Variants in FAM149B1 observed in about 807,000 individuals in gnomAD.
The protein encoded by FAM149B1 is family with sequence similarity 149 member B1.
In FAM149B1, 56 loss-of-function variants were observed where a neutral mutation model predicts 75.3. The observed-to-expected ratio is 0.74, with a 90% CI of 0.60 to 0.93. FAM149B1 has a LOEUF of 0.93. FAM149B1 is among the 40% of genes least tolerant of loss of function. The probability of loss-of-function intolerance (pLI) is 0.00; values close to 1 mark genes in which losing one functional copy is unlikely to be tolerated. For synonymous variants in FAM149B1, 259 were observed against 256.1 expected (o/e 1.01, Z -0.11); for missense variants, 639 against 708.4 (o/e 0.90, Z 1.11).
intron 3 of FAM149B1, among the ~76,000 whole-genome samples, chr10:73,186,898 C>T (rs1222070200): frequency 2.6e-5 from 4 of 152,026 alleles, no homozygotes; most frequent in African/African-American, 9.7e-5. Flanking sequence ...TGGGGGATGA[C>T]TGCTAATGGA....
intron 7 of FAM149B1, among the ~76,000 whole-genome samples, chr10:73,224,471 CTT>C (rs1178386006): frequency 3.0e-4 from 40 of 135,330 alleles, no homozygotes; most frequent in Non-Finnish European, 3.2e-4. Flanking sequence ...ATTATTACAA[CTT>C]TTTTTTTTTT....
intron 6 of FAM149B1, among the ~76,000 whole-genome samples, chr10:73,209,533 A>G (rs554332953): frequency 6.6e-6 from 1 of 152,352 alleles, no homozygotes; most frequent in East Asian, 1.9e-4. Context: ...TTTATAATTA[A>G]TAATGTCTAT....
chr10:73,224,574 TGA>T (rs2043493509), intron 7 of FAM149B1, among the ~76,000 whole-genome samples: 1 of 150,198 alleles, frequency 6.7e-6, no homozygotes, highest in Non-Finnish European at 1.5e-5. Flanking sequence ...TGGGTTTAAG[TGA>T]TTCTCCTGCC....
chr10:73,240,714 C>CAA (rs55812252), intron 13 of FAM149B1, among the ~76,000 whole-genome samples: 23 of 106,916 alleles, frequency 2.2e-4, no homozygotes, highest in East Asian at 5.5e-4. Context: ...ACTCCACCTC[C>CAA]AAAAAAAAAA....
At chr10:73,230,791 CTA>C (rs948154592) in intron 9 of FAM149B1, 2 of 302,448 alleles carry the variant, frequency 6.6e-6, no homozygotes, top group Admixed American at 4.1e-5. Context: ...AGAATGAGTG[CTA>C]TGACAGCCCC....
At position 73,174,760 on chromosome 10, in the gene FAM149B1, G is replaced by T. The variant is rs1480045907; in HGVS notation, c.121G>T (p.Asp41Tyr). Residue 41 changes from aspartate to tyrosine, a missense_variant, in exon 2 of 14, where the codon GAC becomes TAC. Physicochemically the swap from Asp to Tyr is radical, Grantham distance 160 (BLOSUM62 -3). Coordinates refer to ENST00000242505, the MANE Select transcript of FAM149B1 (RefSeq NM_173348.2). ...GCTGGAGGAAATTTCCCCCACCAGT[G>T]ACAGTCATGAGAAAGACACAAGTTC... ...EKLEEISPTSDSHEKDTSSQS... is the reference protein window; with the variant it reads ...EKLEEISPTSYSHEKDTSSQS... 2 of 1,550,936 alleles carry T rather than the reference G, an allele frequency of 1.3e-6. No individual in the cohort carries two copies. The highest frequency in any genetic ancestry group is 1.7e-6 in the Non-Finnish European group (2 of 1,146,456).
intron 5 of FAM149B1, among the ~76,000 whole-genome samples, chr10:73,207,181 G>A (rs1194731172): frequency 1.3e-5 from 2 of 152,172 alleles, no homozygotes; most frequent in East Asian, 1.9e-4. Flanking sequence ...TTCCCACTGG[G>A]GCACTGCCTA....
chr10:73,240,445 G>T (rs1304829043), intron 13 of FAM149B1, among the ~76,000 whole-genome samples: 2 of 152,292 alleles, frequency 1.3e-5, no homozygotes, highest in East Asian at 3.9e-4. Context: ...GGGCGTGGTG[G>T]CTCATGCCTG....
Position 73,208,632 on chromosome 10 carries a change from G to C in FAM149B1, c.556G>C (p.Gly186Arg), listed in dbSNP as rs1241888716. ...TTCCACTCCAAGATTTGGTATAAGG[G>C]GAAAGAAGTTACATTTTTCATCTTC... ...ERDSTIFGIR[G>R]KKLHFSSSYA... is the part of the protein sequence containing the mutation. Residue 186 changes from glycine to arginine, a missense_variant, in exon 6 of 14, where the codon GGA becomes CGA. Gly to Arg is a moderately radical substitution (Grantham distance 125, BLOSUM62 -2). Transcript: ENST00000242505. The C allele has an allele frequency of 4.6e-6, 7 of 1,525,486 alleles. No individual in the cohort carries two copies. The highest frequency in any genetic ancestry group is 5.3e-6 in the Non-Finnish European group (6 of 1,131,556). 94.5% of individuals were successfully genotyped at this position (1,525,486 alleles called of 1,614,324 possible). A position where few individuals can be genotyped will look rare whatever the true frequency, so the allele number is the denominator to read the frequency against.
At chr10:73,170,405 G>A (rs926521096) in intron 1 of FAM149B1, among the ~76,000 whole-genome samples, 3 of 152,180 alleles carry the variant, frequency 2.0e-5, no homozygotes, top group East Asian at 3.9e-4. Context: ...TTGGGAGGCC[G>A]AGGCATGAGA....
intron 3 of FAM149B1, among the ~76,000 whole-genome samples, chr10:73,184,346 GA>G (rs901252906): frequency 4.6e-5 from 7 of 152,034 alleles, no homozygotes; most frequent in African/African-American, 1.7e-4. Flanking sequence ...AAAAATGACT[GA>G]ATGGAAAGGA....
chr10:73,189,138 A>G (rs1347463147), intron 3 of FAM149B1, among the ~76,000 whole-genome samples: 2 of 152,220 alleles, frequency 1.3e-5, no homozygotes, highest in Admixed American at 6.5e-5. Flanking sequence ...GCATGTAGAA[A>G]GATGCTCCAT....
chr10:73,239,477 C>A (rs1053141609), intron 13 of FAM149B1, 93 bp downstream of exon 13: 4 of 924,880 alleles, frequency 4.3e-6, no homozygotes, highest in Admixed American at 5.2e-5. Context: ...CCCCTTCTTT[C>A]AGATTTTCTT....
intron 7 of FAM149B1, among the ~76,000 whole-genome samples, chr10:73,227,144 G>T (rs904331750): frequency 2.0e-5 from 3 of 152,286 alleles, no homozygotes; most frequent in Non-Finnish European, 2.9e-5. Flanking sequence ...CTGGAGTGCA[G>T]TGGGGCCATC....
At position 73,243,353 on chromosome 10, in the gene FAM149B1, C is replaced by T. The variant is rs765226086; in HGVS notation, c.*2334C>T. The T allele has an allele frequency of 9.3e-6, 15 of 1,606,164 alleles. No individual in the cohort carries two copies. Among genetic ancestry groups the T allele is most frequent in the East Asian group, 2.2e-5 (1 of 44,846 alleles). On this transcript the variant is annotated 3_prime_UTR_variant, in exon 14 of 14. Coordinates refer to ENST00000242505, the MANE Select transcript of FAM149B1 (RefSeq NM_173348.2). Reference sequence around the variant, plus strand: ...TCAAATCCTGCCTGCACCTTGCCTACGATGGCATCAATTTACACCTAAGGA... The same window carrying T: ...TCAAATCCTGCCTGCACCTTGCCTATGATGGCATCAATTTACACCTAAGGA...
chr10:73,208,789 G>A lies in FAM149B1; in HGVS notation c.710+3G>A. On this transcript the variant is annotated splice_donor_region_variant and intron_variant, in intron 6 of 13. Transcript: ENST00000242505. ...CTAGCATTCGATCACATAGATATGT[G>A]AGTATTATGCCTTTTAAGCTTTTTA... The A allele has an allele frequency of 6.7e-7, 1 of 1,484,278 alleles. No homozygotes were observed. The highest frequency in any genetic ancestry group is 1.4e-5 in the South Asian group (1 of 73,324). 91.9% of individuals were successfully genotyped at this position (1,484,278 alleles called of 1,614,324 possible).
In FAM149B1 at chr10:73,228,183, C is replaced by T. The variant is rs536760754; in HGVS notation, c.1022C>T (p.Pro341Leu). 6.8e-5 allele frequency: 106 copies of T among 1,551,564 alleles called. No homozygotes were observed. The East Asian group carries it at 6.8e-4, about 10-fold the overall frequency. Residue 341 changes from proline (P) to leucine (L), a missense_variant and splice_region_variant, in exon 8 of 14, where the codon CCG becomes CTG. Transcript: ENST00000242505. Reference sequence around the variant, plus strand: ...AAGGTGCTGTACATTACCTCAAATCCGGTAAGCCCCAGAGGGATCAGTTGG... The same window carrying T: ...AAGGTGCTGTACATTACCTCAAATCTGGTAAGCCCCAGAGGGATCAGTTGG... Reference protein sequence around the residue: ...QSKVLYITSNPMSLCQASRHQ... With the variant: ...QSKVLYITSNLMSLCQASRHQ...
intron 3 of FAM149B1, chr10:73,183,621 T>C (rs1408410674): frequency 1.3e-5 from 2 of 152,212 alleles, no homozygotes; most frequent in African/African-American, 4.8e-5. Flanking sequence ...GGTGGGACTT[T>C]TAGTATCAGA....
At chr10:73,182,068 C>G (rs1287514612) in intron 3 of FAM149B1, among the ~76,000 whole-genome samples, 1 of 151,960 alleles carries the variant, frequency 6.6e-6, no homozygotes, top group Non-Finnish European at 1.5e-5. Flanking sequence ...GCTACTTGTG[C>G]TCTTTTTTGG....
Sources: allele counts gnomAD v4.1 joint callset (sites outside exome capture counted in the v4.1 genomes callset), GRCh38; gene constraint gnomAD v4.1.1; transcripts MANE v1.5; gene names NCBI Gene and HGNC (gene_info 2026-07-23, HGNC 2026-07-21).